Variants in EGF observed in about 807,000 individuals in gnomAD.
EGF encodes the protein pro-epidermal growth factor.
EGF carries 95 observed loss-of-function variants against 143.8 expected under a neutral mutation model. The observed-to-expected ratio is 0.66, with a 90% CI of 0.56 to 0.78. The LOEUF is 0.78. EGF is among the 30% of genes least tolerant of loss of function. The pLI is 0.00. For missense variants in EGF, 1,320 were observed against 1,470.9 expected (o/e 0.90, Z 1.68); for synonymous variants, 510 against 510.5 (o/e 1.00, Z 0.01).
intron 18 of EGF, 61 bp downstream of exon 18, chr4:109,988,770 T>A: frequency 6.2e-6 from 10 of 1,609,264 alleles, no homozygotes; most frequent in Non-Finnish European, 8.5e-6. Context: ...CGGGAAACAA[T>A]GTGGGTGCAT....
intron 5 of EGF, among the ~76,000 whole-genome samples, chr4:109,953,238 G>A (rs1355081152): frequency 1.3e-5 from 2 of 152,152 alleles, no homozygotes; most frequent in Non-Finnish European, 2.9e-5. Context: ...AAATTAATTA[G>A]CATTTCAGAG....
intron 10 of EGF, 110 bp downstream of exon 10, chr4:109,964,647 T>C (rs1279423789): frequency 6.9e-7 from 1 of 1,458,254 alleles, no homozygotes; most frequent in East Asian, 2.3e-5. Context: ...AAGTTCTGAA[T>C]GATTAGGCAC....
chr4:109,944,216 G>A (rs1353411091), intron 4 of EGF, 147 bp downstream of exon 4: 1 of 834,716 alleles, frequency 1.2e-6, no homozygotes, highest in South Asian at 1.6e-5. Context: ...GGGCGCGGCG[G>A]ATCACGAGGT....
chr4:109,969,246 A>C, intron 11 of EGF, 127 bp downstream of exon 11: 1 of 1,246,102 alleles, frequency 8.0e-7, no homozygotes, highest in South Asian at 1.3e-5. Flanking sequence ...ATTGGAGAAA[A>C]GAGGCCACCA....
chr4:109,944,956 AAC>A, intron 4 of EGF, 115 bp from the exon 5 acceptor site: 2 of 1,070,150 alleles, frequency 1.9e-6, no homozygotes, highest in Non-Finnish European at 2.8e-6. Flanking sequence ...ATAAATGAGA[AAC>A]AATTGAAAAC....
chr4:109,981,582 T>C (rs772847207), intron 15 of EGF, among the ~76,000 whole-genome samples: 5 of 152,242 alleles, frequency 3.3e-5, no homozygotes, highest in Non-Finnish European at 7.3e-5. Context: ...GATTCATCCC[T>C]TGATATCTTT....
chr4:109,964,363 C>T (rs762130197), intron 9 of EGF, 38 bp from the exon 10 acceptor site: 108 of 1,613,156 alleles, frequency 6.7e-5, no homozygotes, highest in Middle Eastern at 1.7e-4. Context: ...TTCTAAGGCA[C>T]GTTTTAAATT....
At chr4:109,973,578 C>T (rs1748007232) in intron 11 of EGF, among the ~76,000 whole-genome samples, 1 of 151,868 alleles carries the variant, frequency 6.6e-6, no homozygotes, top group African/African-American at 2.4e-5. Flanking sequence ...AATCCCCTCT[C>T]CCTCTTTCCC....
rs1185170218 is a variant in EGF at position 109,980,650 on chromosome 4, T to C, written c.2222-176T>C. 4 of 717,266 alleles carry C rather than the reference T, an allele frequency of 5.6e-6. No homozygotes were observed. In the Admixed American group the frequency reaches 9.3e-5, roughly 17 times the overall value. 44.4% of individuals were successfully genotyped at this position (717,266 alleles called of 1,614,324 possible). A position where few individuals can be genotyped will look rare whatever the true frequency, so the allele number is the denominator to read the frequency against. On this transcript the variant is annotated intron_variant, in intron 14 of 23. Transcript: ENST00000265171. ...ATAACATTCTGGGCTTATCTTAGAA[T>C]CAGTGGCTCCTTGGGGGAACTCTTC...
chr4:109,988,304 C>T lies in EGF; in HGVS notation c.2609-280C>T, dbSNP rs540496543. ...TAATAGCCTCAAAATTATAATTTAA[C>T]GATTGCTGGAAAGATCTCAGTCCTT... On this transcript the variant is annotated intron_variant, in intron 17 of 23. Transcript: ENST00000265171. Among the ~76,000 whole-genome samples, 5 of 150,632 alleles carry T rather than the reference C, an allele frequency of 3.3e-5. No individual in the cohort carries two copies. The South Asian group carries it at 6.3e-4, about 19-fold the overall frequency.
At chr4:109,934,183 G>A (rs1740331453) in intron 1 of EGF, among the ~76,000 whole-genome samples, 1 of 152,148 alleles carries the variant, frequency 6.6e-6, no homozygotes, top group Non-Finnish European at 1.5e-5. Flanking sequence ...GTGATGATGA[G>A]CATTTTTTCA....
chr4:110,012,300 A>C lies in EGF; in HGVS notation c.*845A>C, dbSNP rs960589427. The C allele has an allele frequency of 3.3e-5, 5 of 152,218 alleles. No individual in the cohort carries two copies. The highest frequency in any genetic ancestry group is 7.4e-5 in the Non-Finnish European group (5 of 68,024). 9.4% of individuals were successfully genotyped at this position (152,218 alleles called of 1,614,324 possible). A position where few individuals can be genotyped will look rare whatever the true frequency, so the allele number is the denominator to read the frequency against. ...TGTATGCCTGATTAAGTAGTTAATT[A>C]TAGTCTAAGGCAGTACTAGAGTTGA... is the stretch of plus-strand genomic sequence containing the variant. On this transcript the variant is annotated 3_prime_UTR_variant, in exon 24 of 24. Transcript: ENST00000265171.
In EGF at chr4:109,960,950, G is replaced by A. The variant is rs919129361; in HGVS notation, c.1150G>A (p.Val384Ile). 1.7e-5 allele frequency: 28 copies of A among 1,613,796 alleles called. No individual in the cohort carries two copies. The highest frequency in any genetic ancestry group is 2.4e-5 in the Non-Finnish European group (28 of 1,179,890). ...TGGATCCTATTACTGCACGTGCCCT[G>A]TAGGATTTGTTCTGCTTCCTGATGG... ...TPGSYYCTCP[V>I]GFVLLPDGKR... Residue 384 changes from valine to isoleucine, a missense_variant, in exon 7 of 24, where the codon GTA (valine) becomes ATA (isoleucine). Val to Ile is a conservative substitution (Grantham distance 29). This residue lies in a region of EGF where 1,186 missense variants were observed against 1,313.7 expected (regional missense o/e 0.90). Coordinates refer to ENST00000265171, the MANE Select transcript of EGF (RefSeq NM_001963.6).
At chr4:109,961,096 A>G (rs899461727) in intron 7 of EGF, 107 bp downstream of exon 7, 1 of 1,283,884 alleles carries the variant, frequency 7.8e-7, no homozygotes, top group Admixed American at 1.9e-5. Context: ...AGTGTGCATC[A>G]TAATTACCTT....
intron 11 of EGF, among the ~76,000 whole-genome samples, chr4:109,969,914 T>C (rs2126084539): frequency 6.6e-6 from 1 of 152,208 alleles, no homozygotes; most frequent in East Asian, 1.9e-4. Context: ...AGGTGTACAC[T>C]CCCAAAGGGA....
rs11568943 is a variant in EGF, at chr4:109,961,965, G to A, written c.1292G>A (p.Arg431Lys). 0.079 allele frequency: 126,972 copies of A among 1,613,692 alleles called. 6,673 individuals carry two copies. The highest frequency in any genetic ancestry group is 0.24 in the African/African-American group (17,878 of 74,958). The change falls in exon 8 of 24, where the codon AGA (arginine) becomes AAA (lysine). Residue 431 changes from arginine (R) to lysine (K), a missense_variant. Arg to Lys is a conservative substitution (Grantham distance 26). This residue lies in a region of EGF where 1,186 missense variants were observed against 1,313.7 expected (regional missense o/e 0.90). Coordinates refer to ENST00000265171, the MANE Select transcript of EGF (RefSeq NM_001963.6). Reference sequence around the variant, plus strand: ...TGTCCTGAAGGCTCAGTGCTTGAGAGAGATGGGAAAACATGTAGCGGTGAG... The same window carrying A: ...TGTCCTGAAGGCTCAGTGCTTGAGAAAGATGGGAAAACATGTAGCGGTGAG... ...CFCPEGSVLE[R>K]DGKTCSGCSS...
At chr4:109,948,678 G>C (rs114247341) in intron 5 of EGF, among the ~76,000 whole-genome samples, 1 of 151,996 alleles carries the variant, frequency 6.6e-6, no homozygotes, top group Non-Finnish European at 1.5e-5. Context: ...TAGAGGTGGG[G>C]TTTCACCATA....
chr4:109,992,994 A>ACGT (rs1560751393), intron 18 of EGF, among the ~76,000 whole-genome samples: 3 of 149,098 alleles, frequency 2.0e-5, no homozygotes, highest in African/African-American at 7.7e-5. Context: ...TACACCTAAA[A>ACGT]TAAATGACGA....
rs143708844 is a variant in EGF at position 109,939,888 on chromosome 4, A to T, written c.128-1058A>T. Among the ~76,000 whole-genome samples, 370 of 152,334 alleles carry T rather than the reference A, an allele frequency of 2.4e-3. 3 individuals are homozygous for T. Among genetic ancestry groups the T allele is most frequent in the African/African-American group, 8.3e-3 (346 of 41,586 alleles). ...AGCACAGAAGCAAGAATATGTTAGAATTCCCCTCCATTCCCCACTTACCCC... is the reference window on the plus strand; with the variant it reads ...AGCACAGAAGCAAGAATATGTTAGATTTCCCCTCCATTCCCCACTTACCCC... On this transcript the variant is annotated intron_variant, in intron 1 of 23. Coordinates refer to ENST00000265171, the MANE Select transcript of EGF (RefSeq NM_001963.6).
Sources: gnomAD v4.1 joint callset for allele counts (sites outside exome capture counted in the v4.1 genomes callset) on GRCh38, gnomAD v4.1.1 for gene constraint, gnomAD v4.1.1 regional missense constraint, MANE v1.5 for transcripts, NCBI Gene and HGNC (gene_info 2026-07-23, HGNC 2026-07-21) for gene names.